The following C10orf90 variants were observed in gnomAD, a reference collection of about 807,000 sequenced individuals.
C10orf90 encodes the protein (E2-independent) E3 ubiquitin-conjugating enzyme FATS.
A neutral mutation model predicts 62.5 loss-of-function variants in C10orf90; 56 were observed. The observed-to-expected ratio is 0.90, with a 90% confidence interval of 0.72 to 1.12. C10orf90 has a LOEUF of 1.12. Among genes scored for constraint, C10orf90 ranks in the 50% most tolerant of loss-of-function variants. C10orf90 has a pLI of 0.00. For missense variants in C10orf90, 970 were observed against 880.4 expected (o/e 1.10, Z -1.29); for synonymous variants, 386 against 340.4 (o/e 1.13, Z -1.47).
At chr10:126,475,447 C>T (rs916686049) in intron 4 of C10orf90, among the ~76,000 whole-genome samples, 2 of 152,194 alleles carry the variant, frequency 1.3e-5, no homozygotes, top group African/African-American at 4.8e-5. Context: ...TTCCATGCAT[C>T]GATTTTGAAT....
intron 4 of C10orf90, among the ~76,000 whole-genome samples, chr10:126,503,697 C>T (rs1318352643): frequency 2.0e-5 from 3 of 152,140 alleles, no homozygotes; most frequent in Non-Finnish European, 4.4e-5. Context: ...ATTTCCTTCT[C>T]ATTACATATG....
At chr10:126,440,435 C>T (rs921727105) in intron 7 of C10orf90, among the ~76,000 whole-genome samples, 4 of 152,154 alleles carry the variant, frequency 2.6e-5, no homozygotes, top group Non-Finnish European at 5.9e-5. Context: ...CTGCCCCCAG[C>T]TGATGGTCCT....
chr10:126,636,637 A>G (rs1320530513), intron 2 of C10orf90, among the ~76,000 whole-genome samples: 4 of 152,218 alleles, frequency 2.6e-5, no homozygotes, highest in Non-Finnish European at 4.4e-5. Context: ...GAAGCTGGAT[A>G]TTAACATGAC....
chr10:126,436,276 C>T (rs979231782), intron 7 of C10orf90, among the ~76,000 whole-genome samples: 4 of 152,192 alleles, frequency 2.6e-5, no homozygotes, highest in Non-Finnish European at 4.4e-5. Flanking sequence ...CAGTGGCTGA[C>T]AAAGTGGTAC....
intron 2 of C10orf90, among the ~76,000 whole-genome samples, chr10:126,543,127 A>G (rs1361407088): frequency 1.3e-5 from 2 of 152,206 alleles, no homozygotes; most frequent in African/African-American, 4.8e-5. Flanking sequence ...ACAGCAATAC[A>G]AATGTGTAAA....
intron 2 of C10orf90, among the ~76,000 whole-genome samples, chr10:126,530,825 A>G (rs535608428): frequency 6.6e-6 from 1 of 152,322 alleles, no homozygotes; most frequent in East Asian, 1.9e-4. Flanking sequence ...GATAAAGAGA[A>G]AAAAACAAAA....
chr10:126,482,673 CCA>C (rs1343547226), intron 4 of C10orf90, among the ~76,000 whole-genome samples: 1 of 152,260 alleles, frequency 6.6e-6, no homozygotes, highest in Non-Finnish European at 1.5e-5. Flanking sequence ...TACACATTTT[CCA>C]TTTCTGACAT....
rs1432208293 is a variant in C10orf90, at chr10:126,453,312, A to G, written c.2188+5728T>C. Among the ~76,000 whole-genome samples, 1 of 152,192 alleles carries G rather than the reference A, an allele frequency of 6.6e-6. No individual in the cohort carries two copies. The highest frequency in any genetic ancestry group is 2.4e-5 in the African/African-American group (1 of 41,456). ...GTATGCCCACCAGCTCTTACAATCT[A>G]GAAGGTTTTCCAACACAACCACACA... is the stretch of plus-strand genomic sequence containing the variant. On this transcript the variant is annotated intron_variant, in intron 7 of 9. Coordinates refer to ENST00000488181, the MANE Select transcript of C10orf90 (RefSeq NM_001350921.2). The surrounding 1 kb of genome is among the most constrained non-coding windows in gnomAD (Gnocchi z 4.9).
intron 2 of C10orf90, among the ~76,000 whole-genome samples, chr10:126,611,468 G>T (rs973996526): frequency 1.3e-5 from 2 of 152,140 alleles, no homozygotes; most frequent in African/African-American, 2.4e-5. Context: ...GAACATTTGT[G>T]TACAAGTTTT....
At chr10:126,490,102 T>TATAATAATAATATATAATATATA (rs1861680397) in intron 4 of C10orf90, among the ~76,000 whole-genome samples, 2 of 113,886 alleles carry the variant, frequency 1.8e-5, no homozygotes, top group Admixed American at 9.9e-5. Context: ...TAATATATAA[T>TATAATAATAATATATAATATATA]ATATATGTAT....
At chr10:126,620,902 G>A (rs192961224) in intron 2 of C10orf90, among the ~76,000 whole-genome samples, 21 of 152,236 alleles carry the variant, frequency 1.4e-4, no homozygotes, top group Middle Eastern at 3.4e-3. Flanking sequence ...GGATTTTTGT[G>A]TATTTCTGCC....
chr10:126,444,844 A>G lies in C10orf90; in HGVS notation c.2188+14196T>C, dbSNP rs187708095. 4.6e-3 allele frequency among the ~76,000 whole-genome samples: 703 copies of G among 152,298 alleles called. 2 individuals are homozygous for G. The highest frequency in any genetic ancestry group is 0.016 in the South Asian group (78 of 4,814). ...TAGGCACATAGAACAATGGAACAGA[A>G]TAGAGAACCCAAAAATAAGCTCAAA... is the stretch of plus-strand genomic sequence containing the variant. On this transcript the variant is annotated intron_variant, in intron 7 of 9. Coordinates refer to ENST00000488181, the MANE Select transcript of C10orf90 (RefSeq NM_001350921.2).
chr10:126,625,376 C>T (rs1166682361), intron 2 of C10orf90, among the ~76,000 whole-genome samples: 3 of 152,184 alleles, frequency 2.0e-5, no homozygotes, highest in Admixed American at 1.3e-4. Context: ...CAGTAAAGAA[C>T]ACAGCTCACC....
intron 4 of C10orf90, among the ~76,000 whole-genome samples, chr10:126,490,657 A>G (rs915763353): frequency 6.6e-6 from 1 of 152,142 alleles, no homozygotes; most frequent in Non-Finnish European, 1.5e-5. Flanking sequence ...TCAAAATTTA[A>G]AAAAAGAAGA....
chr10:126,628,097 C>T (rs946509353), intron 2 of C10orf90, among the ~76,000 whole-genome samples: 7 of 152,190 alleles, frequency 4.6e-5, no homozygotes, highest in Admixed American at 2.0e-4. Flanking sequence ...CCATGTAACA[C>T]GTGAAAACAC....
intron 2 of C10orf90, among the ~76,000 whole-genome samples, chr10:126,580,734 TTG>T (rs1844731258): frequency 6.6e-6 from 1 of 151,318 alleles, no homozygotes; most frequent in African/African-American, 2.5e-5. Flanking sequence ...CGTGTATGTA[TTG>T]TGTTTGTGTG....
chr10:126,660,553 G>C lies in C10orf90; in HGVS notation c.240+9688C>G, dbSNP rs149734313. ...GCCACAAGGAACTGAATTCTGCCAA[G>C]AACCAGTGATCTTGGAAGAGGATCC... On this transcript the variant is annotated intron_variant, in intron 1 of 9. Coordinates refer to ENST00000488181, the MANE Select transcript of C10orf90 (RefSeq NM_001350921.2). Among the ~76,000 whole-genome samples the C allele has an allele frequency of 1.8e-3, 279 of 152,308 alleles. 2 individuals carry two copies. Among genetic ancestry groups the C allele is most frequent in the African/African-American group, 6.2e-3 (259 of 41,560 alleles).
intron 2 of C10orf90, among the ~76,000 whole-genome samples, chr10:126,561,688 C>G (rs1230081261): frequency 6.6e-6 from 1 of 152,074 alleles, no homozygotes; most frequent in East Asian, 1.9e-4. Flanking sequence ...ACAAGGGACT[C>G]TCTCACAGAA....
chr10:126,669,359 C>T (rs1406270931), intron 1 of C10orf90, among the ~76,000 whole-genome samples: 1 of 152,226 alleles, frequency 6.6e-6, no homozygotes, highest in Non-Finnish European at 1.5e-5. Flanking sequence ...TCCTTCTGCC[C>T]AGCCTGGGGA....
Sources: allele counts gnomAD v4.1 joint callset (sites outside exome capture counted in the v4.1 genomes callset), GRCh38; gene constraint gnomAD v4.1.1; non-coding constraint Gnocchi (gnomAD v3.1); transcripts MANE v1.5; gene names NCBI Gene and HGNC (gene_info 2026-07-23, HGNC 2026-07-21).